The following EGF variants were observed in gnomAD, a reference collection of about 807,000 sequenced individuals.
EGF encodes the protein epidermal growth factor, also known as pro-epidermal growth factor.
A neutral mutation model predicts 143.8 loss-of-function variants in EGF; 95 were observed. The ratio of observed to expected loss-of-function variants is 0.66; its 90% CI spans 0.56 to 0.78. The LOEUF (loss-of-function observed/expected upper bound fraction) is 0.78, where lower values mean the gene tolerates loss of function less well. EGF is among the 30% of genes least tolerant of loss of function. The pLI, the probability that EGF is intolerant of heterozygous loss-of-function variation, is 0.00. For synonymous variants in EGF, 510 were observed against 510.5 expected (o/e 1.00, Z 0.01); for missense variants, 1,320 against 1,470.9 (o/e 0.90, Z 1.68).
rs11568849 is a variant in EGF at position 109,913,381 on chromosome 4, A to G, written c.46A>G (p.Ser16Gly). Residue 16 changes from serine (S) to glycine (G), a missense_variant, in exon 1 of 24, where the codon AGT becomes GGT. Ser to Gly is a moderately conservative substitution (Grantham distance 56, BLOSUM62 0). Coordinates refer to ENST00000265171, the MANE Select transcript of EGF (RefSeq NM_001963.6). ...TCTGTTGCCAGTAGTTTCAAAATTTAGTTTTGTTAGTCTCTCAGCACCGCA... is the reference window on the plus strand; with the variant it reads ...TCTGTTGCCAGTAGTTTCAAAATTTGGTTTTGTTAGTCTCTCAGCACCGCA... The part of the protein sequence containing the change: ...IILLPVVSKF[S>G]FVSLSAPQHW... The G allele has an allele frequency of 4.3e-6, 7 of 1,613,836 alleles. No individual in the cohort carries two copies. The Admixed American group carries it at 1.0e-4, about 23-fold the overall frequency.
rs370201047 is a variant in EGF at position 109,976,162 on chromosome 4, T to C, written c.1980T>C (p.Asp660=). The stretch of plus-strand genomic sequence containing the variant: ...TAACTGACAAGTTGTACTGGTGCGA[T>C]GCCAAGCAGTCTGTGATTGAAATGG... ...DFLTDKLYWC[D]AKQSVIEMAN... Residue 660 remains aspartate, a synonymous_variant, in exon 13 of 24, where the codon GAT becomes GAC. Transcript: ENST00000265171. 3.8e-5 allele frequency: 62 copies of C among 1,614,040 alleles called. No individual in the cohort carries two copies. Among genetic ancestry groups the C allele is most frequent in the Non-Finnish European group, 5.3e-5 (62 of 1,180,026 alleles).
At position 109,943,917 on chromosome 4, in the gene EGF, G is replaced by T; in HGVS notation, c.585G>T (p.Leu195=). 1 of 1,614,146 alleles carries T rather than the reference G, an allele frequency of 6.2e-7. No individual in the cohort carries two copies. Among genetic ancestry groups the T allele is most frequent in the Middle Eastern group, 1.6e-4 (1 of 6,062 alleles). Reference sequence around the variant, plus strand: ...TCGATGGTGTGGGAGTGAAGGCTCTGTTGGAGACATCAGAGAAAATAACAG... The same window carrying T: ...TCGATGGTGTGGGAGTGAAGGCTCTTTTGGAGACATCAGAGAAAATAACAG... The part of the protein sequence containing the change: ...ADLDGVGVKA[L]LETSEKITAV... The change falls in exon 4 of 24, where the codon CTG becomes CTT. Residue 195 remains leucine (L), a synonymous_variant. Coordinates refer to ENST00000265171, the MANE Select transcript of EGF (RefSeq NM_001963.6).
rs1294787834 is a variant in EGF at position 109,943,358 on chromosome 4, T to C, written c.432T>C (p.Asp144=). ...AGGAAGGAATCATTACAGTAACAGA[T>C]ATGAAAGGAAATAATTCCCACATTC... ...NQQEGIITVT[D]MKGNNSHILL... Residue 144 remains aspartate (D), a synonymous_variant, in exon 3 of 24, where the codon GAT becomes GAC. Transcript: ENST00000265171. 6.2e-7 allele frequency: 1 copy of C among 1,613,414 alleles called. No individual in the cohort carries two copies. Among genetic ancestry groups the C allele is most frequent in the Non-Finnish European group, 8.5e-7 (1 of 1,179,484 alleles).
At chr4:110,003,377 CGTT>C (rs1211846891) in intron 21 of EGF, among the ~76,000 whole-genome samples, 1 of 151,998 alleles carries the variant, frequency 6.6e-6, no homozygotes, top group African/African-American at 2.4e-5. Context: ...CAAATTATAA[CGTT>C]GTACCTTTGC....
rs1553929849 is a variant in EGF, at chr4:109,932,377, A to ATAT, written c.128-8569_128-8568insTAT. On this transcript the variant is annotated intron_variant, in intron 1 of 23. Coordinates refer to ENST00000265171, the MANE Select transcript of EGF (RefSeq NM_001963.6). ...CATTTAGTCATATATATATATATAT[A>ATAT]AATTTTTTTTTTTTTTTTTGAGACG... Among the ~76,000 whole-genome samples the ATAT allele has an allele frequency of 8.4e-3, 1,043 of 123,968 alleles. 28 individuals are homozygous for ATAT. Among genetic ancestry groups the ATAT allele is most frequent in the African/African-American group, 0.034 (977 of 28,970 alleles). 81.3% of individuals were successfully genotyped at this position (123,968 alleles called of 152,430 possible). A position where few individuals can be genotyped will look rare whatever the true frequency, so the allele number is the denominator to read the frequency against.
chr4:109,978,130 G>A (rs1312988614), intron 13 of EGF, among the ~76,000 whole-genome samples: 1 of 152,158 alleles, frequency 6.6e-6, no homozygotes, highest in Non-Finnish European at 1.5e-5. Flanking sequence ...CCAGCTGCCA[G>A]TTAAGAATTT....
intron 5 of EGF, among the ~76,000 whole-genome samples, chr4:109,948,029 C>G (rs938383824): frequency 2.0e-5 from 3 of 152,156 alleles, no homozygotes; most frequent in African/African-American, 7.2e-5. Context: ...TCTTCAGAGC[C>G]CCTCACTACT....
intron 1 of EGF, among the ~76,000 whole-genome samples, chr4:109,931,186 C>G (rs879469444): frequency 1.2e-4 from 18 of 152,198 alleles, no homozygotes; most frequent in Non-Finnish European, 2.2e-4. Flanking sequence ...ATTGGTAGAA[C>G]AGAATAATGG....
chr4:109,994,725 T>C lies in EGF; in HGVS notation c.2858-8T>C. ...AGAAAGTAAAAGTAATGTCTTGGGT[T>C]CTTTTAGACTCTACTCCACCCCCTC... is the stretch of plus-strand genomic sequence containing the variant. On this transcript the variant is annotated splice_region_variant and splice_polypyrimidine_tract_variant and intron_variant, in intron 19 of 23. Coordinates refer to ENST00000265171, the MANE Select transcript of EGF (RefSeq NM_001963.6). The C allele has an allele frequency of 6.2e-7, 1 of 1,613,912 alleles. No individual in the cohort carries two copies. The highest frequency in any genetic ancestry group is 8.5e-7 in the Non-Finnish European group (1 of 1,179,948).
chr4:109,968,680 CT>C, intron 10 of EGF: 1 of 352,424 alleles, frequency 2.8e-6, no homozygotes, highest in Non-Finnish European at 5.3e-6. Context: ...ATACATCTAT[CT>C]ATCTATCTAT....
intron 21 of EGF, among the ~76,000 whole-genome samples, chr4:110,002,325 C>G (rs1752673905): frequency 6.6e-6 from 1 of 152,028 alleles, no homozygotes; most frequent in South Asian, 2.1e-4. Context: ...AACCCTGCCT[C>G]TACTAAAATT....
At chr4:109,927,462 T>G (rs868731019) in intron 1 of EGF, among the ~76,000 whole-genome samples, 1 of 152,034 alleles carries the variant, frequency 6.6e-6, no homozygotes, top group Non-Finnish European at 1.5e-5. Context: ...CAGTGGCTCA[T>G]GCCTGTAATC....
chr4:109,953,792 A>G (rs1029103723), intron 5 of EGF, among the ~76,000 whole-genome samples: 3 of 152,194 alleles, frequency 2.0e-5, no homozygotes, highest in African/African-American at 7.2e-5. Context: ...ATTAGTAAGA[A>G]AGAACACTGG....
At chr4:109,973,871 C>T (rs181928428) in intron 11 of EGF, among the ~76,000 whole-genome samples, 96 of 152,210 alleles carry the variant, frequency 6.3e-4, no homozygotes, top group Non-Finnish European at 9.7e-4. Context: ...TGCCAGATTC[C>T]ATTGGGTTAT....
chr4:109,970,750 G>A (rs1277005897), intron 11 of EGF, among the ~76,000 whole-genome samples: 6 of 150,492 alleles, frequency 4.0e-5, no homozygotes, highest in Admixed American at 4.0e-4. Flanking sequence ...GCGTGAACCT[G>A]GAAGGCGGAG....
intron 5 of EGF, among the ~76,000 whole-genome samples, chr4:109,956,260 AC>A (rs970111052): frequency 1.3e-5 from 2 of 152,024 alleles, no homozygotes; most frequent in African/African-American, 4.8e-5. Flanking sequence ...AAGAGGAAGA[AC>A]CAAGACAAAA....
Position 109,969,130 on chromosome 4 carries a change from T to G in EGF, c.1724+11T>G. The G allele has an allele frequency of 6.2e-7, 1 of 1,614,144 alleles. No homozygotes were observed. The highest frequency in any genetic ancestry group is 8.5e-7 in the Non-Finnish European group (1 of 1,179,986). On this transcript the variant is annotated intron_variant, in intron 11 of 23. Transcript: ENST00000265171. ...TTGGACAGACAGAGGGTATGTTTTC[T>G]GCTTCAGTTTTAAGCTGTGTGAGAT...
Position 109,964,511 on chromosome 4 carries a change from C to T in EGF, c.1549C>T (p.Leu517=), listed in dbSNP as rs1228320232. ...LSQQMGMVYA[L]DHDPVENKIY... is the part of the protein sequence containing the mutation. ...CCAGCAGATGGGAATGGTTTATGCC[C>T]TAGATCATGACCCTGTGGAAAATAA... is the stretch of plus-strand genomic sequence containing the variant. Residue 517 remains leucine (L), a synonymous_variant, in exon 10 of 24, where the codon CTA becomes TTA. Coordinates refer to ENST00000265171, the MANE Select transcript of EGF (RefSeq NM_001963.6). 5.6e-6 allele frequency: 9 copies of T among 1,613,738 alleles called. No homozygotes were observed. Among genetic ancestry groups the T allele is most frequent in the Admixed American group, 1.7e-5 (1 of 59,988 alleles).
At chr4:109,930,903 C>G (rs911013187) in intron 1 of EGF, among the ~76,000 whole-genome samples, 2 of 152,240 alleles carry the variant, frequency 1.3e-5, no homozygotes, top group African/African-American at 4.8e-5. Flanking sequence ...AGATCCCCTA[C>G]TAATCCCTAG....
Sources: allele counts gnomAD v4.1 joint callset (sites outside exome capture counted in the v4.1 genomes callset), GRCh38; gene constraint gnomAD v4.1.1; transcripts MANE v1.5; gene names NCBI Gene and HGNC (gene_info 2026-07-23, HGNC 2026-07-21).